GPHN: variants seen among roughly 807,000 people sequenced by gnomAD.
GPHN encodes the protein gephyrin.
GPHN carries 17 observed loss-of-function variants against 95.5 expected under a neutral mutation model. That is an observed-to-expected ratio of 0.18 (90% confidence interval 0.12 to 0.27). The LOEUF (loss-of-function observed/expected upper bound fraction) is 0.27, where lower values mean the gene tolerates loss of function less well. Ranked by LOEUF, GPHN falls within the 10% of genes least tolerant of loss-of-function variation. GPHN has a pLI of 1.00. For missense variants in GPHN, 660 were observed against 978.1 expected, an observed-to-expected ratio of 0.67 and a Z score of 4.34; for synonymous variants, 320 against 322.5, an observed-to-expected ratio of 0.99 and a Z score of 0.08.
At chr14:67,290,912 A>G in the GPHN span, among the ~76,000 whole-genome samples, 2 of 152,256 alleles carry the variant, frequency 1.3e-5, no homozygotes, top group Non-Finnish European at 2.9e-5. Flanking sequence ...TTTCAGATCT[A>G]TGCTGAAATA....
chr14:67,171,324 C>T (rs2082585218), intron 21 of GPHN, among the ~76,000 whole-genome samples: 1 of 151,452 alleles, frequency 6.6e-6, no homozygotes, highest in Non-Finnish European at 1.5e-5. Context: ...AGGTGAAAAT[C>T]TTCTCATTTT....
At chr14:67,305,618 T>C in the GPHN span, among the ~76,000 whole-genome samples, 1 of 152,230 alleles carries the variant, frequency 6.6e-6, no homozygotes, top group Admixed American at 6.5e-5. Flanking sequence ...CTGCTATTCA[T>C]GCAGAATCTG....
chr14:67,225,962 T>TGTGTGCGCGCGCGC, the GPHN span, among the ~76,000 whole-genome samples: 4 of 113,490 alleles, frequency 3.5e-5, no homozygotes, highest in African/African-American at 2.0e-4. Context: ...TGTGTGTGTG[T>TGTGTGCGCGCGCGC]GCGCGCGCGC....
At chr14:66,513,333 A>G (rs927767915) in intron 1 of GPHN, among the ~76,000 whole-genome samples, 1 of 151,800 alleles carries the variant, frequency 6.6e-6, no homozygotes, top group Non-Finnish European at 1.5e-5. Flanking sequence ...TAAATACATT[A>G]AAAACACATA....
At chr14:67,340,277 G>A in the GPHN span, 1 of 608,124 alleles carries the variant, frequency 1.6e-6, no homozygotes, top group African/African-American at 1.8e-5. Context: ...TGACAGATTT[G>A]TTTCCACAAC....
chr14:67,392,107 G>A, the GPHN span, among the ~76,000 whole-genome samples: 20 of 152,236 alleles, frequency 1.3e-4, no homozygotes, highest in East Asian at 3.1e-3. Context: ...CATTTTTCCC[G>A]AACAGCCCTT....
chr14:66,566,938 A>G (rs1428566655), intron 1 of GPHN, among the ~76,000 whole-genome samples: 3 of 152,196 alleles, frequency 2.0e-5, no homozygotes, highest in Non-Finnish European at 4.4e-5. Flanking sequence ...TGAAAATGTA[A>G]TACAGTAACC....
At chr14:67,695,760 G>A in the GPHN span, 7 of 1,536,928 alleles carry the variant, frequency 4.6e-6, no homozygotes, top group Non-Finnish European at 6.3e-6. Flanking sequence ...CGCCGACTAT[G>A]GCTTCTCTTT....
intron 2 of GPHN, among the ~76,000 whole-genome samples, chr14:66,693,146 A>G (rs1188030268): frequency 6.6e-6 from 1 of 152,128 alleles, no homozygotes; most frequent in Non-Finnish European, 1.5e-5. Flanking sequence ...ACATTTTATA[A>G]ATCTCTATAA....
chr14:67,420,292 C>T, the GPHN span, among the ~76,000 whole-genome samples: 1 of 152,224 alleles, frequency 6.6e-6, no homozygotes, highest in Non-Finnish European at 1.5e-5. Flanking sequence ...CCAGCTCCGC[C>T]TCTGGGAGAT....
intron 10 of GPHN, among the ~76,000 whole-genome samples, chr14:67,052,450 A>C (rs1567262417): frequency 1.3e-5 from 2 of 152,116 alleles, no homozygotes; most frequent in South Asian, 4.1e-4. Context: ...GATTCATAAA[A>C]CAAGTTCTTA....
chr14:67,729,316 G>C, the GPHN span: 1 of 1,600,436 alleles, frequency 6.2e-7, no homozygotes, highest in East Asian at 2.2e-5. Context: ...ACGGGAGGGG[G>C]CGCAGACCAG....
chr14:67,702,994 T>C, the GPHN span, among the ~76,000 whole-genome samples: 1 of 152,046 alleles, frequency 6.6e-6, no homozygotes, highest in African/African-American at 2.4e-5. Flanking sequence ...AAAAAAGTTT[T>C]TTTTTTGTAG....
At chr14:67,043,892 C>T (rs1242605621) in intron 10 of GPHN, among the ~76,000 whole-genome samples, 1 of 152,194 alleles carries the variant, frequency 6.6e-6, no homozygotes. Context: ...ATTACTGCCT[C>T]AATTTCAGAA....
At chr14:66,990,899 G>A (rs989311059) in intron 9 of GPHN, among the ~76,000 whole-genome samples, 2 of 151,512 alleles carry the variant, frequency 1.3e-5, no homozygotes, top group Non-Finnish European at 2.9e-5. Flanking sequence ...TAATATAGAA[G>A]GTTTGACATC....
At chr14:67,529,695 T>C in the GPHN span, among the ~76,000 whole-genome samples, 2 of 152,286 alleles carry the variant, frequency 1.3e-5, no homozygotes, top group Middle Eastern at 3.4e-3. Context: ...CTCTAACCCA[T>C]GGTTACCTCA....
the GPHN span, chr14:67,392,769 T>C: frequency 1.9e-6 from 3 of 1,614,086 alleles, no homozygotes. Context: ...TTCTCCTCCA[T>C]GAGCATGGAG....
chr14:66,830,203 T>A (rs919659747), intron 4 of GPHN, among the ~76,000 whole-genome samples: 2 of 152,162 alleles, frequency 1.3e-5, no homozygotes, highest in African/African-American at 4.8e-5. Flanking sequence ...CACATTTTTT[T>A]ATTTTCTCAC....
intron 5 of GPHN, among the ~76,000 whole-genome samples, chr14:66,899,310 C>T (rs1346159969): frequency 6.6e-6 from 1 of 151,702 alleles, no homozygotes; most frequent in Non-Finnish European, 1.5e-5. Flanking sequence ...TTTGAATAGC[C>T]ATGGTGAAAA....
Sources: allele counts gnomAD v4.1 joint callset (sites outside exome capture counted in the v4.1 genomes callset), GRCh38; gene constraint gnomAD v4.1.1; transcripts MANE v1.5; gene names NCBI Gene and HGNC (gene_info 2026-07-23, HGNC 2026-07-21).